The following ROBO1 variants were observed in gnomAD, a reference collection of about 807,000 sequenced individuals.
ROBO1 encodes the protein roundabout guidance receptor 1.
Under a neutral mutation model 195.9 loss-of-function variants are expected in ROBO1, and 149 were observed. The observed-to-expected ratio is 0.76, with a 90% CI of 0.67 to 0.87. The LOEUF is 0.87. Among genes scored for constraint, ROBO1 ranks in the 40% least tolerant of loss-of-function variants. The pLI is 0.00. For missense variants in ROBO1, 1,933 were observed against 2,068.3 expected (o/e 0.93, Z 1.27); for synonymous variants, 816 against 733.2 (o/e 1.11, Z -1.82).
chr3:79,607,128 CACACAT>C (rs1408341458), intron 1 of ROBO1, among the ~76,000 whole-genome samples: 48 of 151,236 alleles, frequency 3.2e-4, no homozygotes, highest in African/African-American at 1.1e-3. Context: ...CACACACACA[CACACAT>C]AGTGGAACCT....
At chr3:78,760,140 C>T (rs903012955) in intron 4 of ROBO1, among the ~76,000 whole-genome samples, 6 of 152,086 alleles carry the variant, frequency 3.9e-5, no homozygotes, top group African/African-American at 7.2e-5. Flanking sequence ...TCTTTTCCGC[C>T]GCTATGTGAG....
At chr3:79,189,896 G>A (rs375564093) in intron 2 of ROBO1, among the ~76,000 whole-genome samples, 9 of 151,702 alleles carry the variant, frequency 5.9e-5, no homozygotes, top group African/African-American at 1.9e-4. Context: ...ACATTAGAAC[G>A]TTAAGAGAAT....
chr3:78,696,590 A>C (rs2107900339), intron 8 of ROBO1, among the ~76,000 whole-genome samples: 1 of 151,206 alleles, frequency 6.6e-6, no homozygotes, highest in African/African-American at 2.4e-5. Context: ...TGCCACAAAT[A>C]GTTGTTTAAC....
chr3:79,087,789 A>G (rs373822048), intron 3 of ROBO1, among the ~76,000 whole-genome samples: 1 of 152,134 alleles, frequency 6.6e-6, no homozygotes, highest in Admixed American at 6.5e-5. Flanking sequence ...CAAAAGGTGT[A>G]ATAAAGACAA....
chr3:78,779,507 A>G (rs955111147), intron 4 of ROBO1, among the ~76,000 whole-genome samples: 1 of 152,212 alleles, frequency 6.6e-6, no homozygotes, highest in Admixed American at 6.5e-5. Context: ...TATGAAAAAA[A>G]GCTCACCATC....
Position 78,598,018 on chromosome 3 carries a change from T to TAAG in ROBO1, c.*892_*894dup, listed in dbSNP as rs1702941869. ...TACAAAAACAAAAATCAAACTTCCT[T>TAAG]AAGTGGCACTTCTGAAAGTTGAACT... On this transcript the variant is annotated 3_prime_UTR_variant, in exon 31 of 31. Coordinates refer to ENST00000464233, the MANE Select transcript of ROBO1 (RefSeq NM_002941.4). 1 of 152,140 alleles carries TAAG rather than the reference T, an allele frequency of 6.6e-6. No homozygotes were observed. Among genetic ancestry groups the TAAG allele is most frequent in the African/African-American group, 2.4e-5 (1 of 41,296 alleles). The allele number at this position is 152,140 out of a possible 1,614,324, so 9.4% of individuals were successfully genotyped here. A position where few individuals can be genotyped will look rare whatever the true frequency, so the allele number is the denominator to read the frequency against.
At chr3:78,636,867 G>C (rs1457080654) in intron 22 of ROBO1, among the ~76,000 whole-genome samples, 6 of 144,222 alleles carry the variant, frequency 4.2e-5, no homozygotes, top group African/African-American at 1.3e-4. Context: ...TTCCACTCCA[G>C]TTTTCTCTCT....
chr3:78,877,822 A>T (rs889404478), intron 4 of ROBO1, among the ~76,000 whole-genome samples: 3 of 152,204 alleles, frequency 2.0e-5, no homozygotes, highest in African/African-American at 7.2e-5. Context: ...AGCTGAGAAA[A>T]ATAAGAGCTG....
intron 2 of ROBO1, among the ~76,000 whole-genome samples, chr3:79,551,980 TAAAAAAAAA>T (rs771824432): frequency 9.5e-4 from 42 of 44,256 alleles, no homozygotes; most frequent in Non-Finnish European, 9.8e-4. Context: ...TCTACAGAGT[TAAAAAAAAA>T]AAAAAAAAAA....
chr3:78,802,692 G>T (rs1357568994), intron 4 of ROBO1, among the ~76,000 whole-genome samples: 2 of 147,370 alleles, frequency 1.4e-5, no homozygotes, highest in Non-Finnish European at 3.0e-5. Flanking sequence ...TGCTATAGAA[G>T]GAGCCTGCGG....
At chr3:79,694,974 T>C (rs576144784) in intron 1 of ROBO1, among the ~76,000 whole-genome samples, 6 of 151,618 alleles carry the variant, frequency 4.0e-5, no homozygotes, top group Non-Finnish European at 7.4e-5. Context: ...AAAATATTGA[T>C]ACTTTTCTCT....
At chr3:79,628,709 T>C (rs2108014254) in intron 1 of ROBO1, among the ~76,000 whole-genome samples, 1 of 152,126 alleles carries the variant, frequency 6.6e-6, no homozygotes, top group South Asian at 2.1e-4. Context: ...AACTGGCCAA[T>C]GGAATTAAAA....
At chr3:78,824,446 G>T (rs2031381501) in intron 4 of ROBO1, among the ~76,000 whole-genome samples, 1 of 152,054 alleles carries the variant, frequency 6.6e-6, no homozygotes, top group Non-Finnish European at 1.5e-5. Context: ...CATTATTCAA[G>T]GCTGATTGTA....
chr3:79,752,899 T>C (rs1278202287), intron 1 of ROBO1, among the ~76,000 whole-genome samples: 2 of 152,094 alleles, frequency 1.3e-5, no homozygotes, highest in Non-Finnish European at 2.9e-5. Context: ...AAATCCCAAT[T>C]AAGTCTACAG....
intron 2 of ROBO1, among the ~76,000 whole-genome samples, chr3:79,336,946 T>A (rs553790444): frequency 5.9e-5 from 9 of 152,336 alleles, no homozygotes; most frequent in African/African-American, 2.2e-4. Flanking sequence ...TTTAGTTTAA[T>A]GTTTAGTTAA....
chr3:79,606,377 C>A (rs538065053), intron 1 of ROBO1, among the ~76,000 whole-genome samples: 2 of 152,070 alleles, frequency 1.3e-5, no homozygotes, highest in South Asian at 4.1e-4. Context: ...TAATGAATGA[C>A]CCTCTCTCTT....
At chr3:78,805,709 C>G (rs2084516322) in intron 4 of ROBO1, among the ~76,000 whole-genome samples, 2 of 151,954 alleles carry the variant, frequency 1.3e-5, no homozygotes, top group African/African-American at 4.8e-5. Context: ...TTTAAACTCA[C>G]ACTATTTTTA....
intron 4 of ROBO1, among the ~76,000 whole-genome samples, chr3:78,749,859 G>C (rs1010684764): frequency 5.9e-5 from 9 of 151,994 alleles, no homozygotes; most frequent in African/African-American, 2.2e-4. Flanking sequence ...AATGTTTCTT[G>C]ATTTGAATCG....
chr3:78,824,368 C>A lies in ROBO1; in HGVS notation c.500-77468G>T, dbSNP rs372937132. ...CTCTCTAAAAACACATATTTTTATTCTTGACCCTATTTGATAAATAATCAT... is the reference window on the plus strand; with the variant it reads ...CTCTCTAAAAACACATATTTTTATTATTGACCCTATTTGATAAATAATCAT... On this transcript the variant is annotated intron_variant, in intron 4 of 30. Transcript: ENST00000464233. Among the ~76,000 whole-genome samples, 3 of 152,122 alleles carry A rather than the reference C, an allele frequency of 2.0e-5. No individual in the cohort carries two copies. The South Asian group carries it at 6.2e-4, about 31-fold the overall frequency.
Sources: allele counts gnomAD v4.1 joint callset (sites outside exome capture counted in the v4.1 genomes callset), GRCh38; gene constraint gnomAD v4.1.1; transcripts MANE v1.5; gene names NCBI Gene and HGNC (gene_info 2026-07-23, HGNC 2026-07-21).